The following MRPL43 variants were observed in gnomAD, a reference collection of about 807,000 sequenced individuals.
MRPL43 encodes large ribosomal subunit protein mL43.
In MRPL43, 9 loss-of-function variants were observed where a neutral mutation model predicts 12.7. The observed-to-expected ratio is 0.71, with a 90% CI of 0.43 to 1.24. The LOEUF is 1.24. Among genes scored for constraint, MRPL43 ranks in the 50% most tolerant of loss-of-function variants. The probability of loss-of-function intolerance (pLI) is 0.00; values close to 1 mark genes in which losing one functional copy is unlikely to be tolerated. For synonymous variants in MRPL43, 116 were observed against 96.4 expected (o/e 1.20, Z -1.19); for missense variants, 211 against 229.2 (o/e 0.92, Z 0.51).
downstream of MRPL43, chr10:100,980,584 G>A (rs754532026): frequency 1.2e-6 from 2 of 1,613,854 alleles, no homozygotes; most frequent in South Asian, 1.1e-5. Flanking sequence ...CCAGCTGATG[G>A]CTGGATCCAC....
downstream of MRPL43, chr10:100,984,765 C>G: frequency 2.6e-6 from 4 of 1,536,060 alleles, no homozygotes; most frequent in Non-Finnish European, 3.5e-6. Flanking sequence ...ATGTGGTGAC[C>G]TCTTTGTCAA....
chr10:100,981,621 A>C, downstream of MRPL43: 1 of 1,532,586 alleles, frequency 6.5e-7, no homozygotes, highest in Non-Finnish European at 9.0e-7. Context: ...TGATCTAAAT[A>C]CTTCTATGCA....
downstream of MRPL43, chr10:100,979,373 C>T: frequency 1.9e-6 from 3 of 1,589,544 alleles, no homozygotes; most frequent in Non-Finnish European, 2.6e-6. Flanking sequence ...GGAGGTCTGG[C>T]TGCAAAGTGA....
chr10:100,980,891 T>C (rs2133887521), downstream of MRPL43: 2 of 1,611,588 alleles, frequency 1.2e-6, no homozygotes, highest in Non-Finnish European at 1.7e-6. Flanking sequence ...CCGCTACCGA[T>C]CCTGCTATGA....
chr10:100,979,054 G>C (rs1346439958), downstream of MRPL43: 1 of 1,613,052 alleles, frequency 6.2e-7, no homozygotes, highest in Admixed American at 1.7e-5. Flanking sequence ...GGGTATAGAG[G>C]CTGGACCTCT....
chr10:100,985,502 T>C (rs940472396), downstream of MRPL43: 4 of 152,770 alleles, frequency 2.6e-5, no homozygotes, highest in South Asian at 2.1e-4. Context: ...GCTACACTTC[T>C]TTAGGAATGC....
downstream of MRPL43, chr10:100,984,909 G>T: frequency 1.4e-6 from 2 of 1,453,812 alleles, no homozygotes; most frequent in South Asian, 2.8e-5. Context: ...AGAGCTCCAG[G>T]CATGTCCCAT....
At chr10:100,985,061 C>A, downstream of MRPL43, 1 of 713,148 alleles carries the variant, frequency 1.4e-6, no homozygotes, top group Non-Finnish European at 2.2e-6. Context: ...ATCCCCCTCC[C>A]ATTTAACTGT....
downstream of MRPL43, chr10:100,984,700 G>C (rs771987099): frequency 1.3e-6 from 2 of 1,536,110 alleles, no homozygotes; most frequent in South Asian, 1.2e-5. Context: ...CCTGCTTCTG[G>C]ACTTGGGGTA....
chr10:100,987,181 C>T lies in MRPL43; in HGVS notation c.147G>A (p.Arg49=). 1.9e-6 allele frequency: 3 copies of T among 1,613,918 alleles called. No individual in the cohort carries two copies. Among genetic ancestry groups the T allele is most frequent in the Non-Finnish European group, 8.5e-7 (1 of 1,180,044 alleles). Residue 49 remains arginine, a synonymous_variant, in exon 2 of 3, where the codon CGG becomes CGA. Transcript: ENST00000318364. ...SSRGAREFVE[R]EVIDFARRNP... ...TCCGTCGGGCGAAGTCGATCACCTC[C>T]CGCTCCACGAACTCCCTAAGCGACC...
downstream of MRPL43, among the ~76,000 whole-genome samples, chr10:100,982,578 G>T (rs1851151118): frequency 6.6e-6 from 1 of 152,220 alleles, no homozygotes; most frequent in Non-Finnish European, 1.5e-5. Flanking sequence ...GATCACTTGA[G>T]GTCAGGAGTT....
chr10:100,987,196 C>T lies in MRPL43; in HGVS notation c.132G>A (p.Arg44=), dbSNP rs1417956348. The change falls in exon 2 of 3, where the codon AGG becomes AGA. Residue 44 remains arginine, a splice_region_variant and synonymous_variant. Transcript: ENST00000318364. ...SRDGASSRGA[R]EFVEREVIDF... is the part of the protein sequence containing the mutation. ...CGATCACCTCCCGCTCCACGAACTC[C>T]CTAAGCGACCCGGGACAGTGAGCAG... 1 of 1,613,882 alleles carries T rather than the reference C, an allele frequency of 6.2e-7. No individual in the cohort carries two copies. The highest frequency in any genetic ancestry group is 1.1e-5 in the South Asian group (1 of 91,088).
downstream of MRPL43, among the ~76,000 whole-genome samples, chr10:100,983,122 G>GT (rs749387921): frequency 6.6e-6 from 1 of 152,250 alleles, no homozygotes; most frequent in Non-Finnish European, 1.5e-5. Flanking sequence ...GGCACTGCCT[G>GT]CTTCCTGGGA....
downstream of MRPL43, chr10:100,979,136 A>C: frequency 6.2e-7 from 1 of 1,614,206 alleles, no homozygotes; most frequent in South Asian, 1.1e-5. Context: ...CTGCAGAAGA[A>C]GTGGACTTCC....
downstream of MRPL43, chr10:100,979,761 G>C: frequency 6.6e-7 from 1 of 1,523,588 alleles, no homozygotes; most frequent in Non-Finnish European, 8.9e-7. Flanking sequence ...GTTGGCCAGG[G>C]TAACAGTGAG....
At chr10:100,980,600 C>T (rs7901675), downstream of MRPL43, 8,077 of 1,614,060 alleles carry the variant, frequency 5.0e-3, 211 homozygotes, top group African/African-American at 0.064. Context: ...TCCACAAGGC[C>T]GTAGTCCTGG....
downstream of MRPL43, among the ~76,000 whole-genome samples, chr10:100,982,502 G>A (rs999576257): frequency 6.6e-6 from 1 of 152,202 alleles, no homozygotes; most frequent in Admixed American, 6.5e-5. Flanking sequence ...AGATACAAAC[G>A]TGAAGAAGGG....
downstream of MRPL43, chr10:100,978,261 C>T (rs376649356): frequency 3.6e-5 from 56 of 1,540,164 alleles, no homozygotes; most frequent in East Asian, 1.1e-4. Flanking sequence ...TGCCTGTCTT[C>T]GGAACCACTT....
chr10:100,978,767 G>A (rs1384788046), downstream of MRPL43: 73 of 1,572,936 alleles, frequency 4.6e-5, no homozygotes, highest in Non-Finnish European at 5.9e-5. Flanking sequence ...CCTGTGTGTT[G>A]TCAAGTGAGG....
Sources: gnomAD v4.1 joint callset for allele counts (sites outside exome capture counted in the v4.1 genomes callset) on GRCh38, gnomAD v4.1.1 for gene constraint, MANE v1.5 for transcripts, NCBI Gene and HGNC (gene_info 2026-07-23, HGNC 2026-07-21) for gene names.